Variants in DTNBP1 observed in about 807,000 individuals in gnomAD.
DTNBP1 encodes dystrobrevin binding protein 1.
DTNBP1 carries 35 observed loss-of-function variants against 42.8 expected under a neutral mutation model. The ratio of observed to expected loss-of-function variants is 0.82; its 90% CI spans 0.63 to 1.09. DTNBP1 has a LOEUF of 1.09. Ranked by LOEUF, DTNBP1 falls within the 50% of genes least tolerant of loss-of-function variation. DTNBP1 has a pLI of 0.00. For missense variants in DTNBP1, 457 were observed against 424.2 expected (o/e 1.08, Z -0.68); for synonymous variants, 171 against 162.2 (o/e 1.05, Z -0.41).
chr6:15,604,525 G>A (rs1757913233), intron 6 of DTNBP1, among the ~76,000 whole-genome samples: 1 of 152,102 alleles, frequency 6.6e-6, no homozygotes, highest in Non-Finnish European at 1.5e-5. Flanking sequence ...AGCCAGGCCT[G>A]AGGGCCACAC....
chr6:15,624,096 G>A (rs779502415), intron 5 of DTNBP1, among the ~76,000 whole-genome samples: 3 of 152,180 alleles, frequency 2.0e-5, no homozygotes, highest in Admixed American at 6.5e-5. Flanking sequence ...TGCGTGGTGC[G>A]TGGCAGATGC....
chr6:15,530,582 G>A lies in DTNBP1; in HGVS notation c.667+2658C>T, dbSNP rs558039279. 5.3e-5 allele frequency among the ~76,000 whole-genome samples: 8 copies of A among 152,128 alleles called. No homozygotes were observed. In the East Asian group the frequency reaches 1.2e-3, roughly 22 times the overall value. On this transcript the variant is annotated intron_variant, in intron 8 of 9. Coordinates refer to ENST00000344537, the MANE Select transcript of DTNBP1 (RefSeq NM_032122.5). ...GCTAGCTGTGGAGCAACTGCAGTAC[G>A]TGCCCGTCCCTGTCACCAGGGGCTG...
chr6:15,615,380 A>C lies in DTNBP1; in HGVS notation c.375T>G (p.Phe125Leu). ...GCAGCAGGTTGTTCTCTACCTCCTC[A>C]AAACTCGCCTCTAAATGAGCTGAAA... ...TANLTHLEASFEEVENNLLHL... is the reference protein window; with the variant it reads ...TANLTHLEASLEEVENNLLHL... Residue 125 changes from phenylalanine (F) to leucine (L), a missense_variant, in exon 6 of 10, where the codon TTT becomes TTG. Coordinates refer to ENST00000344537, the MANE Select transcript of DTNBP1 (RefSeq NM_032122.5). 6.2e-7 allele frequency: 1 copy of C among 1,613,982 alleles called. No homozygotes were observed. The highest frequency in any genetic ancestry group is 8.5e-7 in the Non-Finnish European group (1 of 1,180,034).
intron 7 of DTNBP1, among the ~76,000 whole-genome samples, chr6:15,575,768 G>C (rs1470877101): frequency 6.6e-6 from 1 of 152,220 alleles, no homozygotes; most frequent in African/African-American, 2.4e-5. Flanking sequence ...AGATGTGGGA[G>C]GTGCACCTCA....
rs73373668 is a variant in DTNBP1, at chr6:15,660,352, C to T, written c.56+2462G>A. The T allele has an allele frequency of 7.4e-3, 9,501 of 1,289,544 alleles. 335 individuals carry two copies. In the African/African-American group the frequency reaches 0.091, roughly 12 times the overall value. The allele number at this position is 1,289,544 out of a possible 1,614,324, so 79.9% of individuals were successfully genotyped here. On this transcript the variant is annotated intron_variant, in intron 1 of 9. Coordinates refer to ENST00000344537, the MANE Select transcript of DTNBP1 (RefSeq NM_032122.5). ...TCAAGCTGAATATGGAAAAGTTTAA[C>T]CGAACAGCTTAAATGTAGGAAATTG... is the stretch of plus-strand genomic sequence containing the variant.
intron 8 of DTNBP1, 131 bp from the exon 9 acceptor site, chr6:15,524,800 A>G (rs1262331699): frequency 2.9e-6 from 4 of 1,384,382 alleles, no homozygotes; most frequent in African/African-American, 2.9e-5. Flanking sequence ...GAAGCAACGT[A>G]TTAGTAGATG....
At chr6:15,630,463 T>C (rs1308139709) in intron 4 of DTNBP1, among the ~76,000 whole-genome samples, 2 of 152,190 alleles carry the variant, frequency 1.3e-5, no homozygotes, top group African/African-American at 4.8e-5. Flanking sequence ...AAAGTTCAAT[T>C]TGAAGGCAAG....
chr6:15,564,594 G>C (rs1032075910), intron 7 of DTNBP1, among the ~76,000 whole-genome samples: 2 of 151,946 alleles, frequency 1.3e-5, no homozygotes, highest in African/African-American at 4.8e-5. Context: ...TTTTAGTAGA[G>C]ACAGGGTTTT....
At chr6:15,569,357 C>T (rs991466819) in intron 7 of DTNBP1, among the ~76,000 whole-genome samples, 2 of 134,216 alleles carry the variant, frequency 1.5e-5, no homozygotes, top group Admixed American at 1.5e-4. Flanking sequence ...GTTAAGACCC[C>T]CCCCCGCCCG....
chr6:15,557,430 G>A (rs1451580527), intron 7 of DTNBP1, among the ~76,000 whole-genome samples: 1 of 152,062 alleles, frequency 6.6e-6, no homozygotes, highest in Non-Finnish European at 1.5e-5. Context: ...TACATAAATT[G>A]AATATTGAAA....
Position 15,551,865 on chromosome 6 carries a change from T to C in DTNBP1, c.512-18470A>G, listed in dbSNP as rs547152460. Among the ~76,000 whole-genome samples, 33 of 151,960 alleles carry C rather than the reference T, an allele frequency of 2.2e-4. 1 individual carries two copies. In the South Asian group the frequency reaches 6.3e-3, roughly 29 times the overall value. On this transcript the variant is annotated intron_variant, in intron 7 of 9. Coordinates refer to ENST00000344537, the MANE Select transcript of DTNBP1 (RefSeq NM_032122.5). ...GAGCAGCCTCACAAGTACACAGGAGTAGGCCTTCAACTGGCTGCTTGATCG... is the reference window on the plus strand; with the variant it reads ...GAGCAGCCTCACAAGTACACAGGAGCAGGCCTTCAACTGGCTGCTTGATCG...
chr6:15,611,211 T>C (rs1758376726), intron 6 of DTNBP1, among the ~76,000 whole-genome samples: 1 of 152,216 alleles, frequency 6.6e-6, no homozygotes, highest in African/African-American at 2.4e-5. Context: ...CATAGAATTA[T>C]GCTAAATTTA....
chr6:15,562,049 T>C (rs1292674528), intron 7 of DTNBP1, among the ~76,000 whole-genome samples: 1 of 152,202 alleles, frequency 6.6e-6, no homozygotes, highest in Non-Finnish European at 1.5e-5. Flanking sequence ...TCCCAACCCC[T>C]TTCCTGGAAA....
rs187006800 is a variant in DTNBP1 at position 15,527,897 on chromosome 6, G to A, written c.668-3228C>T. Among the ~76,000 whole-genome samples, 45 of 152,194 alleles carry A rather than the reference G, an allele frequency of 3.0e-4. 1 individual carries two copies. The highest frequency in any genetic ancestry group is 2.9e-3 in the Admixed American group (44 of 15,288). Reference sequence around the variant, plus strand: ...CCATGGAAAACTTGCCAAAATTAACGAGAAATAGTAAATCTCTATAACTAT... The same window carrying A: ...CCATGGAAAACTTGCCAAAATTAACAAGAAATAGTAAATCTCTATAACTAT... On this transcript the variant is annotated intron_variant, in intron 8 of 9. Transcript: ENST00000344537.
At chr6:15,634,350 T>C in intron 4 of DTNBP1, among the ~76,000 whole-genome samples, 1 of 152,176 alleles carries the variant, frequency 6.6e-6, no homozygotes, top group Non-Finnish European at 1.5e-5. Context: ...AGAGTCTTGC[T>C]CTGTTACCCA....
intron 5 of DTNBP1, among the ~76,000 whole-genome samples, chr6:15,619,349 AAATAAT>A: frequency 6.6e-6 from 1 of 152,352 alleles, no homozygotes; most frequent in South Asian, 2.1e-4. Context: ...TGTCAATTAA[AAATAAT>A]AATAAAAGCA....
chr6:15,631,769 T>C (rs1212586211), intron 4 of DTNBP1, among the ~76,000 whole-genome samples: 1 of 152,190 alleles, frequency 6.6e-6, no homozygotes, highest in African/African-American at 2.4e-5. Context: ...TGTAATGCTC[T>C]GGAAAAATTC....
At chr6:15,530,774 T>C (rs910070381) in intron 8 of DTNBP1, among the ~76,000 whole-genome samples, 2 of 152,128 alleles carry the variant, frequency 1.3e-5, no homozygotes, top group South Asian at 2.1e-4. Flanking sequence ...TGAAGGAAGA[T>C]AGAGTTAAAT....
At chr6:15,552,172 A>C (rs1774249283) in intron 7 of DTNBP1, among the ~76,000 whole-genome samples, 1 of 152,224 alleles carries the variant, frequency 6.6e-6, no homozygotes, top group Non-Finnish European at 1.5e-5. Context: ...GATTCAGTTC[A>C]ATAAAAAGTG....
Sources: gnomAD v4.1 joint callset for allele counts (sites outside exome capture counted in the v4.1 genomes callset) on GRCh38, gnomAD v4.1.1 for gene constraint, MANE v1.5 for transcripts, NCBI Gene and HGNC (gene_info 2026-07-23, HGNC 2026-07-21) for gene names.